Variants in MCTP1 observed in about 807,000 individuals in gnomAD.
The protein encoded by MCTP1 is multiple C2 and transmembrane domain-containing protein 1.
A neutral mutation model predicts 120.6 loss-of-function variants in MCTP1; 69 were observed. The ratio of observed to expected loss-of-function variants is 0.57; its 90% CI spans 0.47 to 0.70. MCTP1 has a LOEUF of 0.70. Ranked by LOEUF, MCTP1 falls within the 30% of genes least tolerant of loss-of-function variation. The pLI, the probability that MCTP1 is intolerant of heterozygous loss-of-function variation, is 0.00. For missense variants in MCTP1, 1,203 were observed against 1,248.8 expected, an observed-to-expected ratio of 0.96 and a Z score of 0.55; for synonymous variants, 529 against 493.1, an observed-to-expected ratio of 1.07 and a Z score of -0.96.
At chr5:95,143,504 A>G (rs1370689189) in intron 1 of MCTP1, among the ~76,000 whole-genome samples, 2 of 152,082 alleles carry the variant, frequency 1.3e-5, no homozygotes, top group Non-Finnish European at 2.9e-5. Flanking sequence ...TGGGGTACAG[A>G]TGGTAGTAAG....
chr5:94,717,981 A>AC (rs1311915942), intron 19 of MCTP1, among the ~76,000 whole-genome samples: 2 of 152,146 alleles, frequency 1.3e-5, no homozygotes, highest in Non-Finnish European at 2.9e-5. Flanking sequence ...CCAAACTACC[A>AC]CTGACCTTCT....
At chr5:95,265,813 C>T (rs932754391) in intron 1 of MCTP1, among the ~76,000 whole-genome samples, 1 of 152,128 alleles carries the variant, frequency 6.6e-6, no homozygotes, top group Non-Finnish European at 1.5e-5. Flanking sequence ...ATTGGGTTCC[C>T]AGAATCTAGA....
intron 1 of MCTP1, among the ~76,000 whole-genome samples, chr5:95,058,468 C>A (rs557560897): frequency 6.6e-6 from 1 of 152,294 alleles, no homozygotes; most frequent in East Asian, 1.9e-4. Flanking sequence ...CACCTTACGA[C>A]CTTTGGCAAC....
Position 94,912,664 on chromosome 5 carries a change from T to C in MCTP1, c.1521+142A>G, listed in dbSNP as rs61160902. 766 of 604,444 alleles carry C rather than the reference T, an allele frequency of 1.3e-3. 5 individuals are homozygous for C. The African/African-American group carries it at 0.014, about 11-fold the overall frequency. 37.4% of individuals were successfully genotyped at this position (604,444 alleles called of 1,614,324 possible). A position where few individuals can be genotyped will look rare whatever the true frequency, so the allele number is the denominator to read the frequency against. ...AAATTTAAAAATGCTATACAATTAT[T>C]GGTCTTGTTTTCTGACATGGTGTTC... On this transcript the variant is annotated intron_variant, in intron 9 of 22. Transcript: ENST00000515393.
intron 1 of MCTP1, among the ~76,000 whole-genome samples, chr5:95,215,577 T>A (rs891617517): frequency 6.6e-6 from 1 of 152,234 alleles, no homozygotes; most frequent in South Asian, 2.1e-4. Context: ...TCCTTTTTTT[T>A]CTTTGTTAGC....
intron 22 of MCTP1, chr5:94,708,256 C>A (rs142776429): frequency 3.1e-4 from 83 of 267,338 alleles, no homozygotes; most frequent in African/African-American, 1.7e-3. Flanking sequence ...TCCAGCTGAA[C>A]TAACTTGGAG....
chr5:95,167,092 G>A (rs906925655), intron 1 of MCTP1, among the ~76,000 whole-genome samples: 1 of 152,118 alleles, frequency 6.6e-6, no homozygotes, highest in Non-Finnish European at 1.5e-5. Flanking sequence ...ACAGGCCCCA[G>A]TGTGTGATGT....
At chr5:94,937,776 A>C (rs1816556548) in intron 5 of MCTP1, among the ~76,000 whole-genome samples, 3 of 152,036 alleles carry the variant, frequency 2.0e-5, no homozygotes, top group South Asian at 4.1e-4. Flanking sequence ...TAGAGTATTT[A>C]ATAAACATCC....
chr5:95,110,166 A>G (rs1470375617), intron 1 of MCTP1, among the ~76,000 whole-genome samples: 1 of 152,128 alleles, frequency 6.6e-6, no homozygotes, highest in African/African-American at 2.4e-5. Context: ...TTGTGCAGAA[A>G]CAGCTTACTC....
At chr5:95,048,796 G>T (rs1433970283) in intron 1 of MCTP1, among the ~76,000 whole-genome samples, 1 of 152,130 alleles carries the variant, frequency 6.6e-6, no homozygotes, top group African/African-American at 2.4e-5. Context: ...TCAGTCAGGG[G>T]CAGGGGATTT....
intron 2 of MCTP1, among the ~76,000 whole-genome samples, chr5:94,987,003 T>TA (rs1162698192): frequency 1.3e-5 from 2 of 152,182 alleles, no homozygotes; most frequent in African/African-American, 4.8e-5. Flanking sequence ...CTAGATTACT[T>TA]ACAATGCCAA....
chr5:95,095,416 C>T (rs1480692593), intron 1 of MCTP1, among the ~76,000 whole-genome samples: 2 of 152,132 alleles, frequency 1.3e-5, no homozygotes, highest in African/African-American at 2.4e-5. Flanking sequence ...TAATGAACAT[C>T]TTCAATGCAT....
At chr5:95,068,928 G>T in intron 1 of MCTP1, 16 of 417,614 alleles carry the variant, frequency 3.8e-5, no homozygotes, top group Non-Finnish European at 5.2e-5. Context: ...ATTAGGCTTA[G>T]TTCCAGGGGA....
intron 2 of MCTP1, among the ~76,000 whole-genome samples, chr5:94,954,333 T>C (rs1206434731): frequency 1.3e-5 from 2 of 151,452 alleles, no homozygotes; most frequent in African/African-American, 4.8e-5. Context: ...TGTTCTCTTT[T>C]ACAAGTGGGA....
chr5:95,179,046 C>A (rs1748327970), intron 1 of MCTP1, among the ~76,000 whole-genome samples: 2 of 152,134 alleles, frequency 1.3e-5, no homozygotes, highest in South Asian at 4.1e-4. Context: ...TGGAAAGTCT[C>A]AGTAATAGAA....
intron 1 of MCTP1, among the ~76,000 whole-genome samples, chr5:95,135,689 C>T (rs1208947030): frequency 2.0e-5 from 3 of 152,172 alleles, no homozygotes; most frequent in Non-Finnish European, 4.4e-5. Context: ...TTTTGAGACT[C>T]GGACTGGCTC....
intron 17 of MCTP1, among the ~76,000 whole-genome samples, chr5:94,837,487 C>G (rs1399745990): frequency 2.0e-5 from 3 of 152,184 alleles, no homozygotes; most frequent in Non-Finnish European, 4.4e-5. Flanking sequence ...TTACTTCACT[C>G]CTCTGCCCCT....
At chr5:94,897,861 G>A (rs1264025266) in intron 10 of MCTP1, among the ~76,000 whole-genome samples, 9 of 152,032 alleles carry the variant, frequency 5.9e-5, no homozygotes, top group South Asian at 4.1e-4. Context: ...CCCCAGTGTC[G>A]TTCCCCTCTT....
At chr5:95,072,873 T>A (rs1008801199) in intron 1 of MCTP1, among the ~76,000 whole-genome samples, 1 of 150,778 alleles carries the variant, frequency 6.6e-6, no homozygotes, top group Non-Finnish European at 1.5e-5. Context: ...AGCCTCCCGA[T>A]TAGCTGGGAC....
Sources: gnomAD v4.1 joint callset for allele counts (sites outside exome capture counted in the v4.1 genomes callset) on GRCh38, gnomAD v4.1.1 for gene constraint, MANE v1.5 for transcripts, NCBI Gene and HGNC (gene_info 2026-07-23, HGNC 2026-07-21) for gene names.